SPRING1: variants seen among roughly 807,000 people sequenced by gnomAD.
SPRING1 encodes SREBP regulating gene protein.
Under a neutral mutation model 24.7 loss-of-function variants are expected in SPRING1, and 14 were observed. The observed-to-expected ratio is 0.57, with a 90% confidence interval of 0.37 to 0.88. The LOEUF is 0.88. Among genes scored for constraint, SPRING1 ranks in the 40% least tolerant of loss-of-function variants. SPRING1 has a pLI of 0.00. For synonymous variants in SPRING1, 93 were observed against 106.1 expected (o/e 0.88, Z 0.76); for missense variants, 255 against 268.4 (o/e 0.95, Z 0.35).
At position 116,713,145 on chromosome 12, in the gene SPRING1, C is replaced by T. The variant is rs1040841157; in HGVS notation, c.*4665G>A. 3.3e-5 allele frequency: 5 copies of T among 152,216 alleles called. No homozygotes were observed. The highest frequency in any genetic ancestry group is 9.7e-5 in the African/African-American group (4 of 41,434). The allele number at this position is 152,216 out of a possible 1,614,324, so 9.4% of individuals were successfully genotyped here. On this transcript the variant is annotated 3_prime_UTR_variant, in exon 5 of 5. Coordinates refer to ENST00000261318, the MANE Select transcript of SPRING1 (RefSeq NM_024738.4). ...CCTCCACGAGTGCCCACAGTACTGCCCTCCTCCCCACCTGTGACAAAAATG... is the reference window on the plus strand; with the variant it reads ...CCTCCACGAGTGCCCACAGTACTGCTCTCCTCCCCACCTGTGACAAAAATG...
rs1376435743 is a variant in SPRING1, at chr12:116,720,004, G to A, written c.421-128C>T. 10 of 872,732 alleles carry A rather than the reference G, an allele frequency of 1.1e-5. No homozygotes were observed. Among genetic ancestry groups the A allele is most frequent in the East Asian group, 7.8e-5 (3 of 38,542 alleles). 54.1% of individuals were successfully genotyped at this position (872,732 alleles called of 1,614,324 possible). On this transcript the variant is annotated intron_variant, in intron 3 of 4. Coordinates refer to ENST00000261318, the MANE Select transcript of SPRING1 (RefSeq NM_024738.4). This position sits in a 1 kb window ranked among gnomAD's most constrained non-coding sequence, Gnocchi z 4.0. ...GGGAAGAGGAGGAGAAAAGGAGGGA[G>A]GGGAAAGGACACACGCGTGCACACA...
chr12:116,735,903 G>C (rs1871196233), intron 1 of SPRING1, among the ~76,000 whole-genome samples: 1 of 151,868 alleles, frequency 6.6e-6, no homozygotes, highest in African/African-American at 2.4e-5. Context: ...AGCTGGGCAT[G>C]GTGGCGCATG....
At chr12:116,735,640 G>A (rs1871183378) in intron 1 of SPRING1, among the ~76,000 whole-genome samples, 1 of 152,026 alleles carries the variant, frequency 6.6e-6, no homozygotes, top group African/African-American at 2.4e-5. Context: ...GCTAAGGCAG[G>A]GAGAACTGCT....
At position 116,719,041 on chromosome 12, in the gene SPRING1, A is replaced by T. The variant is rs566664724; in HGVS notation, c.534+722T>A. Among the ~76,000 whole-genome samples, 17 of 152,338 alleles carry T rather than the reference A, an allele frequency of 1.1e-4. No individual in the cohort carries two copies. The East Asian group carries it at 3.3e-3, about 29-fold the overall frequency. On this transcript the variant is annotated intron_variant, in intron 4 of 4. Transcript: ENST00000261318. ...TGAGTCCGTTATCTCAGACGAAGCC[A>T]GTAAAATCTTAGAGACACCATGAAT...
At chr12:116,729,595 A>G (rs1870875018) in intron 1 of SPRING1, among the ~76,000 whole-genome samples, 1 of 152,262 alleles carries the variant, frequency 6.6e-6, no homozygotes, top group Non-Finnish European at 1.5e-5. Flanking sequence ...TAAAGAATGA[A>G]TAAACAAAAT....
At chr12:116,719,901 G>A (rs1395113518) in intron 3 of SPRING1, 25 bp from the exon 4 acceptor site, 3 of 1,592,124 alleles carry the variant, frequency 1.9e-6, no homozygotes, top group Non-Finnish European at 2.6e-6. Context: ...GTTAGTGCCT[G>A]TAATAAATTA....
At chr12:116,718,058 AAAG>A (rs1430411811) in intron 4 of SPRING1, among the ~76,000 whole-genome samples, 165 bp from the exon 5 acceptor site, 1 of 152,242 alleles carries the variant, frequency 6.6e-6, no homozygotes, top group African/African-American at 2.4e-5. Context: ...TTTCTGGAAC[AAAG>A]AAGAATGCTC....
In SPRING1 at chr12:116,737,887, G is replaced by T. The variant is rs1871358693; in HGVS notation, c.14C>A (p.Ala5Glu). Residue 5 changes from alanine to glutamate, a missense_variant, in exon 1 of 5, where the codon GCG becomes GAG. Transcript: ENST00000261318. MVNLAAMVWRRLLRK... is the reference protein window; with the variant it reads MVNLEAMVWRRLLRK... Reference sequence around the variant, plus strand: ...CAGAAGCCGGCGCCACACCATGGCCGCCAGGTTCACCATCCCGGCGCGGAC... The same window carrying T: ...CAGAAGCCGGCGCCACACCATGGCCTCCAGGTTCACCATCCCGGCGCGGAC... The T allele has an allele frequency of 5.8e-6, 9 of 1,562,892 alleles. No individual in the cohort carries two copies. Among genetic ancestry groups the T allele is most frequent in the Middle Eastern group, 2.1e-4 (1 of 4,664 alleles).
chr12:116,716,894 G>A lies in SPRING1; in HGVS notation c.*916C>T, dbSNP rs1177437894. On this transcript the variant is annotated 3_prime_UTR_variant, in exon 5 of 5. Coordinates refer to ENST00000261318, the MANE Select transcript of SPRING1 (RefSeq NM_024738.4). ...ACGTTGGGTTTCTATTGATAGAACA[G>A]GGGAGGAGGTTGCCTCTGACCTTCC... 1 of 152,238 alleles carries A rather than the reference G, an allele frequency of 6.6e-6. No homozygotes were observed. Among genetic ancestry groups the A allele is most frequent in the Non-Finnish European group, 1.5e-5 (1 of 68,040 alleles). 9.4% of individuals were successfully genotyped at this position (152,238 alleles called of 1,614,324 possible).
intron 1 of SPRING1, among the ~76,000 whole-genome samples, chr12:116,725,318 C>T (rs979320539): frequency 6.6e-6 from 1 of 152,106 alleles, no homozygotes; most frequent in African/African-American, 2.4e-5. Flanking sequence ...ATGTTAGTCA[C>T]TTAGTAGTCA....
In SPRING1 at chr12:116,720,141, T is replaced by C; in HGVS notation, c.420+155A>G. 1.0e-6 allele frequency: 1 copy of C among 1,003,450 alleles called. No homozygotes were observed. The highest frequency in any genetic ancestry group is 1.4e-6 in the Non-Finnish European group (1 of 697,716). The allele number at this position is 1,003,450 out of a possible 1,614,324, so 62.2% of individuals were successfully genotyped here. On this transcript the variant is annotated intron_variant, in intron 3 of 4. Transcript: ENST00000261318. This position sits in a 1 kb window ranked among gnomAD's most constrained non-coding sequence, Gnocchi z 4.0. Reference sequence around the variant, plus strand: ...GCAACTGGGAACCACCTCCTTTCCTTAGATAAAAGCTATTGTGCAGCAATT... The same window carrying C: ...GCAACTGGGAACCACCTCCTTTCCTCAGATAAAAGCTATTGTGCAGCAATT...
chr12:116,719,969 C>A, intron 3 of SPRING1, 93 bp from the exon 4 acceptor site: 1 of 1,120,634 alleles, frequency 8.9e-7, no homozygotes. Context: ...AATGCTGATA[C>A]AGGGAAGGGG....
At chr12:116,732,001 A>G (rs1592923763) in intron 1 of SPRING1, among the ~76,000 whole-genome samples, 2 of 152,134 alleles carry the variant, frequency 1.3e-5, no homozygotes, top group Admixed American at 1.3e-4. Context: ...TCCTTCCAAA[A>G]GGGTGGGAGC....
intron 1 of SPRING1, among the ~76,000 whole-genome samples, chr12:116,723,590 A>G (rs1191930893): frequency 6.6e-6 from 1 of 152,250 alleles, no homozygotes; most frequent in East Asian, 1.9e-4. Flanking sequence ...AAACAAATAC[A>G]TTGTGGAACA....
At chr12:116,722,057 C>A (rs1870461539) in intron 2 of SPRING1, among the ~76,000 whole-genome samples, 1 of 152,156 alleles carries the variant, frequency 6.6e-6, no homozygotes, top group Admixed American at 6.5e-5. Flanking sequence ...AAATTAACTT[C>A]CAGCCTTTGA....
At chr12:116,724,170 T>C (rs1870571356) in intron 1 of SPRING1, among the ~76,000 whole-genome samples, 2 of 152,210 alleles carry the variant, frequency 1.3e-5, no homozygotes, top group Admixed American at 1.3e-4. Context: ...TAACCTGTCA[T>C]GTGTTGCTTT....
intron 1 of SPRING1, among the ~76,000 whole-genome samples, chr12:116,731,714 T>G (rs995939365): frequency 6.6e-6 from 1 of 152,128 alleles, no homozygotes. Context: ...GGTGCCACTT[T>G]ACCCCAGCCT....
rs1005817452 is a variant in SPRING1 at position 116,717,203 on chromosome 12, C to A, written c.*607G>T. 1 of 152,132 alleles carries A rather than the reference C, an allele frequency of 6.6e-6. No individual in the cohort carries two copies. Among genetic ancestry groups the A allele is most frequent in the African/African-American group, 2.4e-5 (1 of 41,404 alleles). The allele number at this position is 152,132 out of a possible 1,614,324, so 9.4% of individuals were successfully genotyped here. On this transcript the variant is annotated 3_prime_UTR_variant, in exon 5 of 5. Coordinates refer to ENST00000261318, the MANE Select transcript of SPRING1 (RefSeq NM_024738.4). The surrounding 1 kb of genome is among the most constrained non-coding windows in gnomAD (Gnocchi z 4.2). ...TAACAGGTCACGTTCAGGGCCTATG[C>A]TTGATACTGTCGAAATACAAACAAA...
chr12:116,719,692 G>A (rs2137031648), intron 4 of SPRING1, 71 bp downstream of exon 4: 2 of 1,280,316 alleles, frequency 1.6e-6, no homozygotes, highest in Non-Finnish European at 2.3e-6. Flanking sequence ...AGGATCGACA[G>A]TGTGTATTTT....
Sources: allele counts gnomAD v4.1 joint callset (sites outside exome capture counted in the v4.1 genomes callset), GRCh38; gene constraint gnomAD v4.1.1; non-coding constraint Gnocchi (gnomAD v3.1); transcripts MANE v1.5; gene names NCBI Gene and HGNC (gene_info 2026-07-23, HGNC 2026-07-21).